The following FNDC3B variants were observed in gnomAD, a reference collection of about 807,000 sequenced individuals.
The protein encoded by FNDC3B is fibronectin type III domain containing 3B, also known as fibronectin type III domain-containing protein 3B.
In FNDC3B, 12 loss-of-function variants were observed where a neutral mutation model predicts 151.5. The ratio of observed to expected loss-of-function variants is 0.08; its 90% CI spans 0.05 to 0.13. The LOEUF (loss-of-function observed/expected upper bound fraction) is 0.13. Ranked by LOEUF, FNDC3B falls within the 10% of genes least tolerant of loss-of-function variation. The pLI is 1.00. For missense variants in FNDC3B, 1,214 were observed against 1,505.3 expected, an observed-to-expected ratio of 0.81 and a Z score of 3.20; for synonymous variants, 528 against 549.0, an observed-to-expected ratio of 0.96 and a Z score of 0.54.
chr3:172,132,169 C>T (rs765836567), intron 2 of FNDC3B, among the ~76,000 whole-genome samples: 58 of 151,954 alleles, frequency 3.8e-4, no homozygotes, highest in Non-Finnish European at 7.1e-4. Flanking sequence ...GATGAATAGA[C>T]GTTGGTTGAG....
At chr3:172,158,458 T>A (rs150912515) in intron 3 of FNDC3B, among the ~76,000 whole-genome samples, 1 of 152,324 alleles carries the variant, frequency 6.6e-6, no homozygotes, top group African/African-American at 2.4e-5. Flanking sequence ...TATCTCCTCT[T>A]TGATGAAATG....
intron 2 of FNDC3B, among the ~76,000 whole-genome samples, chr3:172,116,560 A>C (rs1576879351): frequency 6.6e-6 from 1 of 150,506 alleles, no homozygotes; most frequent in Non-Finnish European, 1.5e-5. Context: ...GGCATCTTTC[A>C]CCCAACATCT....
chr3:172,305,122 C>T (rs1731130149), intron 9 of FNDC3B, among the ~76,000 whole-genome samples: 1 of 152,192 alleles, frequency 6.6e-6, no homozygotes, highest in Non-Finnish European at 1.5e-5. Context: ...ATTGTCCTCA[C>T]TTACCTCTCC....
At position 172,040,861 on chromosome 3, in the gene FNDC3B, C is replaced by T. The variant is rs1278622740; in HGVS notation, c.-29+1090C>T. Among the ~76,000 whole-genome samples, 1 of 152,088 alleles carries T rather than the reference C, an allele frequency of 6.6e-6. No homozygotes were observed. Among genetic ancestry groups the T allele is most frequent in the Non-Finnish European group, 1.5e-5 (1 of 67,984 alleles). On this transcript the variant is annotated intron_variant, in intron 1 of 25. Coordinates refer to ENST00000415807, the MANE Select transcript of FNDC3B (RefSeq NM_022763.4). The surrounding 1 kb of genome is among the most constrained non-coding windows in gnomAD (Gnocchi z 6.6). Reference sequence around the variant, plus strand: ...CCCGTGGGAACCGGAGGACCCGGGCCCGCCGTCTCGGGAGACTGGGCTGCG... The same window carrying T: ...CCCGTGGGAACCGGAGGACCCGGGCTCGCCGTCTCGGGAGACTGGGCTGCG...
intron 3 of FNDC3B, among the ~76,000 whole-genome samples, chr3:172,136,671 T>G (rs1055020816): frequency 2.0e-5 from 3 of 152,250 alleles, no homozygotes; most frequent in South Asian, 2.1e-4. Context: ...AGATCAAAAC[T>G]CTACTTATGT....
intron 2 of FNDC3B, among the ~76,000 whole-genome samples, chr3:172,123,883 AG>A (rs1378556803): frequency 6.6e-6 from 1 of 152,208 alleles, no homozygotes; most frequent in African/African-American, 2.4e-5. Flanking sequence ...ATCAGATACT[AG>A]GTTTATCTAT....
At chr3:172,253,612 T>G (rs560369152) in intron 6 of FNDC3B, among the ~76,000 whole-genome samples, 3 of 152,326 alleles carry the variant, frequency 2.0e-5, no homozygotes, top group Non-Finnish European at 4.4e-5. Flanking sequence ...AATCTAAAAC[T>G]ATACTTAATA....
rs918412070 is a variant in FNDC3B, at chr3:172,397,609, T to C, written c.*134T>C. ...TTTACAGATTTAGCTAGAAAAAAAA[T>C]GTCAGTGTTTTGGTGCACCTTTTTG... On this transcript the variant is annotated 3_prime_UTR_variant, in exon 26 of 26. Transcript: ENST00000415807. The C allele has an allele frequency of 8.3e-6, 4 of 484,596 alleles. No individual in the cohort carries two copies. Among genetic ancestry groups the C allele is most frequent in the African/African-American group, 4.0e-5 (2 of 49,692 alleles). The allele number at this position is 484,596 out of a possible 1,614,324, so 30.0% of individuals were successfully genotyped here. A position where few individuals can be genotyped will look rare whatever the true frequency, so the allele number is the denominator to read the frequency against.
chr3:172,278,649 G>A (rs1227327766), intron 6 of FNDC3B, among the ~76,000 whole-genome samples: 2 of 152,090 alleles, frequency 1.3e-5, no homozygotes, highest in Non-Finnish European at 1.5e-5. Flanking sequence ...GCCTTTGGCC[G>A]GGTGTGGTGG....
At position 172,084,358 on chromosome 3, in the gene FNDC3B, G is replaced by A. The variant is rs376012826; in HGVS notation, c.-28-28094G>A. Among the ~76,000 whole-genome samples the A allele has an allele frequency of 5.9e-5, 9 of 152,148 alleles. No homozygotes were observed. In the South Asian group the frequency reaches 1.0e-3, roughly 18 times the overall value. ...CCCAGCTATTCGGGAGGCAGAGGTCGGGGGATCACCTGAACCTGGGAGGTC... is the reference window on the plus strand; with the variant it reads ...CCCAGCTATTCGGGAGGCAGAGGTCAGGGGATCACCTGAACCTGGGAGGTC... On this transcript the variant is annotated intron_variant, in intron 1 of 25. Coordinates refer to ENST00000415807, the MANE Select transcript of FNDC3B (RefSeq NM_022763.4).
Position 172,150,121 on chromosome 3 carries a change from C to T in FNDC3B, c.187+16575C>T, listed in dbSNP as rs185109208. ...TGTGAGCCACCACGCCCAGCCATGTCGGGTGCTTTCTCTCACTGGTTGTTA... is the reference window on the plus strand; with the variant it reads ...TGTGAGCCACCACGCCCAGCCATGTTGGGTGCTTTCTCTCACTGGTTGTTA... On this transcript the variant is annotated intron_variant, in intron 3 of 25. Coordinates refer to ENST00000415807, the MANE Select transcript of FNDC3B (RefSeq NM_022763.4). Among the ~76,000 whole-genome samples the T allele has an allele frequency of 2.1e-4, 32 of 152,030 alleles. No individual in the cohort carries two copies. In the East Asian group the frequency reaches 6.0e-3, roughly 28 times the overall value.
intron 3 of FNDC3B, among the ~76,000 whole-genome samples, chr3:172,164,847 CTG>C (rs1184020415): frequency 6.6e-6 from 1 of 152,136 alleles, no homozygotes; most frequent in African/African-American, 2.4e-5. Context: ...TAACAAATTA[CTG>C]TGTTTATTTC....
At chr3:172,373,971 C>T (rs1226095633) in intron 23 of FNDC3B, among the ~76,000 whole-genome samples, 1 of 152,226 alleles carries the variant, frequency 6.6e-6, no homozygotes, top group Non-Finnish European at 1.5e-5. Context: ...ATGTACATTT[C>T]ATGCTAGGGT....
intron 11 of FNDC3B, among the ~76,000 whole-genome samples, chr3:172,315,302 G>A (rs745503577): frequency 2.0e-5 from 3 of 152,162 alleles, no homozygotes; most frequent in African/African-American, 2.4e-5. Context: ...GCTAGAACCC[G>A]GGAAGCAGAG....
intron 25 of FNDC3B, among the ~76,000 whole-genome samples, chr3:172,386,544 C>T (rs2108382260): frequency 6.6e-6 from 1 of 152,212 alleles, no homozygotes. Context: ...AGATCGAGAC[C>T]ATCCTGGCTA....
intron 3 of FNDC3B, among the ~76,000 whole-genome samples, chr3:172,207,647 G>A (rs1725499569): frequency 6.6e-6 from 1 of 152,166 alleles, no homozygotes; most frequent in African/African-American, 2.4e-5. Context: ...TGGCCAAAAG[G>A]CATCAAGGAG....
chr3:172,043,981 TA>T (rs1396464565), intron 1 of FNDC3B, among the ~76,000 whole-genome samples: 1 of 152,228 alleles, frequency 6.6e-6, no homozygotes, highest in African/African-American at 2.4e-5. Context: ...TCAGACTTTG[TA>T]AGTATCAGTA....
At chr3:172,365,487 A>G (rs57122228) in intron 23 of FNDC3B, among the ~76,000 whole-genome samples, 5,344 of 152,292 alleles carry the variant, frequency 0.035, 319 homozygotes, top group African/African-American at 0.12. Context: ...AAGTTTGAGC[A>G]TATTTCATGT....
intron 6 of FNDC3B, among the ~76,000 whole-genome samples, chr3:172,271,065 C>G (rs1044230952): frequency 6.6e-6 from 1 of 152,202 alleles, no homozygotes; most frequent in Non-Finnish European, 1.5e-5. Context: ...CAGATGAATG[C>G]AAGAAACTGT....
Sources: gnomAD v4.1 joint callset for allele counts (sites outside exome capture counted in the v4.1 genomes callset) on GRCh38, gnomAD v4.1.1 for gene constraint, Gnocchi (gnomAD v3.1) non-coding constraint, MANE v1.5 for transcripts, NCBI Gene and HGNC (gene_info 2026-07-23, HGNC 2026-07-21) for gene names.